Variants in ITFG1 observed in about 807,000 individuals in gnomAD.
ITFG1 encodes integrin alpha FG-GAP repeat containing 1.
ITFG1 carries 34 observed loss-of-function variants against 81.8 expected under a neutral mutation model. The observed-to-expected ratio is 0.42, with a 90% confidence interval of 0.32 to 0.55. The LOEUF is 0.55. ITFG1 is among the 20% of genes least tolerant of loss of function. ITFG1 has a pLI of 0.17. For synonymous variants in ITFG1, 285 were observed against 270.6 expected (o/e 1.05, Z -0.52); for missense variants, 672 against 755.4 (o/e 0.89, Z 1.29).
intron 6 of ITFG1, among the ~76,000 whole-genome samples, chr16:47,385,940 G>T (rs1238477870): frequency 6.6e-6 from 1 of 152,112 alleles, no homozygotes; most frequent in Non-Finnish European, 1.5e-5. Context: ...CTATAACATG[G>T]AAGAATATTC....
chr16:47,221,854 T>A lies in ITFG1; in HGVS notation c.1375-2908A>T, dbSNP rs570869903. 3.9e-5 allele frequency among the ~76,000 whole-genome samples: 6 copies of A among 152,354 alleles called. No homozygotes were observed. In the South Asian group the frequency reaches 1.2e-3, roughly 32 times the overall value. The stretch of plus-strand genomic sequence containing the variant: ...AGAAATTTATCCATTTCTTCTAGAT[T>A]TTCTAGTTTATTTGCGTAGAGGTGT... On this transcript the variant is annotated intron_variant, in intron 13 of 17. Coordinates refer to ENST00000320640, the MANE Select transcript of ITFG1 (RefSeq NM_030790.5).
At chr16:47,236,361 G>GC (rs1965873463) in intron 13 of ITFG1, among the ~76,000 whole-genome samples, 1 of 151,908 alleles carries the variant, frequency 6.6e-6, no homozygotes, top group Non-Finnish European at 1.5e-5. Flanking sequence ...TGTAGTCCCA[G>GC]CTACTCGGGA....
intron 14 of ITFG1, among the ~76,000 whole-genome samples, chr16:47,172,302 C>T (rs577963508): frequency 3.8e-4 from 58 of 152,214 alleles, no homozygotes; most frequent in African/African-American, 8.7e-4. Flanking sequence ...CAGGCCAACA[C>T]GGCAAAACCC....
chr16:47,453,808 C>T (rs1969417768), intron 3 of ITFG1, among the ~76,000 whole-genome samples: 1 of 152,070 alleles, frequency 6.6e-6, no homozygotes, highest in Non-Finnish European at 1.5e-5. Context: ...CCTCTTTAAG[C>T]TAGTAAGAAT....
intron 10 of ITFG1, among the ~76,000 whole-genome samples, chr16:47,305,371 AAAG>A (rs1967141830): frequency 6.6e-6 from 1 of 151,758 alleles, no homozygotes; most frequent in Non-Finnish European, 1.5e-5. Context: ...TGAGCTGAAC[AAAG>A]ACATTTTTCA....
At chr16:47,156,955 A>G (rs1476963842) in intron 17 of ITFG1, among the ~76,000 whole-genome samples, 1 of 152,192 alleles carries the variant, frequency 6.6e-6, no homozygotes, top group Non-Finnish European at 1.5e-5. Context: ...AGTGTGCTAA[A>G]TGGAATGGAA....
At chr16:47,242,548 A>G (rs1011175735) in intron 12 of ITFG1, among the ~76,000 whole-genome samples, 13 of 152,190 alleles carry the variant, frequency 8.5e-5, no homozygotes, top group African/African-American at 2.4e-4. Context: ...ATAGAAATAA[A>G]GATACAAATG....
chr16:47,398,720 G>A (rs1161900197), intron 6 of ITFG1, among the ~76,000 whole-genome samples: 1 of 152,170 alleles, frequency 6.6e-6, no homozygotes, highest in Non-Finnish European at 1.5e-5. Context: ...TCTGCTGGCA[G>A]GTTTTCTGTT....
Position 47,155,515 on chromosome 16 carries a change from A to G in ITFG1, c.*204T>C. 2.4e-6 allele frequency: 1 copy of G among 416,684 alleles called. No homozygotes were observed. The highest frequency in any genetic ancestry group is 4.2e-6 in the Non-Finnish European group (1 of 236,530). The allele number at this position is 416,684 out of a possible 1,614,324, so 25.8% of individuals were successfully genotyped here. A position where few individuals can be genotyped will look rare whatever the true frequency, so the allele number is the denominator to read the frequency against. ...AAATGTACAGCACTACAGAATAGAGAACCCAAATTTTTATATACAAAGTGC... is the reference window on the plus strand; with the variant it reads ...AAATGTACAGCACTACAGAATAGAGGACCCAAATTTTTATATACAAAGTGC... On this transcript the variant is annotated 3_prime_UTR_variant, in exon 18 of 18. Coordinates refer to ENST00000320640, the MANE Select transcript of ITFG1 (RefSeq NM_030790.5).
chr16:47,457,697 G>A (rs1003643761), intron 2 of ITFG1, among the ~76,000 whole-genome samples: 1 of 151,968 alleles, frequency 6.6e-6, no homozygotes, highest in Non-Finnish European at 1.5e-5. Context: ...TTTTGAAAGT[G>A]CATTGCATTA....
chr16:47,398,181 A>G (rs1968615449), intron 6 of ITFG1, among the ~76,000 whole-genome samples: 1 of 152,112 alleles, frequency 6.6e-6, no homozygotes, highest in Admixed American at 6.5e-5. Context: ...TCCTTCAACT[A>G]CTAACAACAG....
chr16:47,439,290 A>G (rs949340725), intron 5 of ITFG1, among the ~76,000 whole-genome samples: 3 of 152,334 alleles, frequency 2.0e-5, no homozygotes, highest in African/African-American at 7.2e-5. Flanking sequence ...AACTTCCCCG[A>G]TCTAGCAAGG....
At chr16:47,247,154 T>A (rs1198646037) in intron 12 of ITFG1, among the ~76,000 whole-genome samples, 1 of 152,198 alleles carries the variant, frequency 6.6e-6, no homozygotes, top group Non-Finnish European at 1.5e-5. Context: ...CTTGAGTTAA[T>A]GAAATTTGAA....
At chr16:47,195,234 G>C (rs534779748) in intron 14 of ITFG1, among the ~76,000 whole-genome samples, 1 of 152,206 alleles carries the variant, frequency 6.6e-6, no homozygotes, top group Admixed American at 6.5e-5. Context: ...AGGGCAGGGT[G>C]GTGGTGCTAC....
intron 10 of ITFG1, among the ~76,000 whole-genome samples, chr16:47,270,072 A>C (rs1411564416): frequency 1.3e-5 from 2 of 152,136 alleles, no homozygotes; most frequent in Non-Finnish European, 2.9e-5. Context: ...CAAAAAAGGA[A>C]CTCGGATATA....
chr16:47,319,712 G>GACCA (rs1967419471), intron 8 of ITFG1, among the ~76,000 whole-genome samples: 1 of 152,100 alleles, frequency 6.6e-6, no homozygotes, highest in South Asian at 2.1e-4. Context: ...TGGTGATGAA[G>GACCA]ACCACAATGA....
intron 6 of ITFG1, among the ~76,000 whole-genome samples, chr16:47,388,498 A>G (rs1266034169): frequency 1.3e-5 from 2 of 152,206 alleles, no homozygotes; most frequent in Non-Finnish European, 2.9e-5. Flanking sequence ...AATAAGTTTA[A>G]TGGGTGACTT....
At chr16:47,353,336 A>G (rs1008658240) in intron 8 of ITFG1, among the ~76,000 whole-genome samples, 1 of 152,236 alleles carries the variant, frequency 6.6e-6, no homozygotes, top group East Asian at 1.9e-4. Flanking sequence ...AGCATTTGAC[A>G]GAATTCAGTA....
At chr16:47,164,544 A>G (rs983983096) in intron 14 of ITFG1, among the ~76,000 whole-genome samples, 1 of 152,256 alleles carries the variant, frequency 6.6e-6, no homozygotes, top group Non-Finnish European at 1.5e-5. Context: ...AAAGTCTTCT[A>G]GATCCCCAAA....
Sources: gnomAD v4.1 joint callset for allele counts (sites outside exome capture counted in the v4.1 genomes callset) on GRCh38, gnomAD v4.1.1 for gene constraint, MANE v1.5 for transcripts, NCBI Gene and HGNC (gene_info 2026-07-23, HGNC 2026-07-21) for gene names.